TENM4: variants seen among roughly 807,000 people sequenced by gnomAD.
TENM4 encodes the protein teneurin transmembrane protein 4, also known as teneurin-4.
Under a neutral mutation model 243.3 loss-of-function variants are expected in TENM4, and 82 were observed. The ratio of observed to expected loss-of-function variants is 0.34; its 90% CI spans 0.28 to 0.40. The LOEUF (loss-of-function observed/expected upper bound fraction) is 0.40. Ranked by LOEUF, TENM4 falls within the 10% of genes least tolerant of loss-of-function variation. TENM4 has a pLI of 1.00. For missense variants in TENM4, 3,138 were observed against 3,673.3 expected (o/e 0.85, Z 3.77); for synonymous variants, 1,412 against 1,456.3 (o/e 0.97, Z 0.69).
At chr11:78,935,380 C>T (rs1236218274) in intron 6 of TENM4, among the ~76,000 whole-genome samples, 2 of 152,158 alleles carry the variant, frequency 1.3e-5, no homozygotes, top group African/African-American at 2.4e-5. Flanking sequence ...GCGCTAAACA[C>T]CTATTAAGTT....
At chr11:79,411,133 G>A (rs565286911) in intron 1 of TENM4, among the ~76,000 whole-genome samples, 155 of 152,308 alleles carry the variant, frequency 1.0e-3, no homozygotes, top group African/African-American at 3.6e-3. Flanking sequence ...GAGAGGGTAA[G>A]TTTAAAGCTT....
chr11:78,670,337 T>C lies in TENM4; in HGVS notation c.6008A>G (p.Tyr2003Cys), dbSNP rs1180275995. ...TEDGHLLHTF[Y>C]LGTGRRVIYK... The stretch of plus-strand genomic sequence containing the variant: ...TATCACCCTGCGGCCAGTGCCCAGG[T>C]AGAAGGTGTGAAGGAGGTGCCCATC... Residue 2003 changes from tyrosine (Y) to cysteine (C), a missense_variant, in exon 32 of 34, where the codon TAC becomes TGC. By Grantham distance (194) the Tyr-to-Cys change is radical. Coordinates refer to ENST00000278550, the MANE Select transcript of TENM4 (RefSeq NM_001098816.3). The C allele has an allele frequency of 6.2e-7, 1 of 1,613,622 alleles. No homozygotes were observed. The highest frequency in any genetic ancestry group is 8.5e-7 in the Non-Finnish European group (1 of 1,179,814).
At position 78,743,136 on chromosome 11, in the gene TENM4, AATACTT is replaced by A. The variant is rs551446859; in HGVS notation, c.2757-4572_2757-4567del. Among the ~76,000 whole-genome samples the A allele has an allele frequency of 3.1e-4, 47 of 152,314 alleles. No homozygotes were observed. In the South Asian group the frequency reaches 7.1e-3, roughly 23 times the overall value. On this transcript the variant is annotated intron_variant, in intron 19 of 33. Transcript: ENST00000278550. ...TTCAGAATCTTAATGGAGCTCATGC[AATACTT>A]ATACTTATCACTAAATTGTTCCCTC...
chr11:79,207,303 A>G (rs1863867222), intron 3 of TENM4, among the ~76,000 whole-genome samples: 1 of 152,248 alleles, frequency 6.6e-6, no homozygotes. Context: ...GTTGCCAAGA[A>G]TAATAATATC....
chr11:78,701,193 G>A (rs1484807240), intron 28 of TENM4, among the ~76,000 whole-genome samples: 1 of 151,964 alleles, frequency 6.6e-6, no homozygotes, highest in East Asian at 1.9e-4. Context: ...CATCAGGTAA[G>A]TACTTTTCAT....
chr11:78,658,526 C>T lies in TENM4; in HGVS notation c.7842G>A (p.Val2614=), dbSNP rs1857955043. Residue 2614 remains valine, a synonymous_variant, in exon 34 of 34, where the codon GTG becomes GTA. Coordinates refer to ENST00000278550, the MANE Select transcript of TENM4 (RefSeq NM_001098816.3). ...CTGGTTTCACAAAGTAATGGGTATC[C>T]ACCCCATCAATGGTGAAGTGCAGGT... ...LENLHFTIDG[V]DTHYFVKPGP... 5 of 1,613,882 alleles carry T rather than the reference C, an allele frequency of 3.1e-6. No individual in the cohort carries two copies. In the African/African-American group the frequency reaches 4.0e-5, roughly 13 times the overall value.
intron 9 of TENM4, among the ~76,000 whole-genome samples, chr11:78,879,461 C>A (rs1447668441): frequency 2.2e-4 from 30 of 136,356 alleles, no homozygotes; most frequent in African/African-American, 4.3e-4. Flanking sequence ...CTCTGCCCGG[C>A]CGCCACACCG....
At chr11:79,062,055 G>A (rs1591251695) in intron 6 of TENM4, among the ~76,000 whole-genome samples, 1 of 150,684 alleles carries the variant, frequency 6.6e-6, no homozygotes, top group South Asian at 2.1e-4. Flanking sequence ...TCTGCCTCTG[G>A]GGTTCCAGTG....
chr11:79,144,082 A>G (rs1862347195), intron 4 of TENM4, among the ~76,000 whole-genome samples: 1 of 152,040 alleles, frequency 6.6e-6, no homozygotes, highest in Non-Finnish European at 1.5e-5. Flanking sequence ...AGAATATATA[A>G]GGACCTAAGG....
chr11:79,205,808 A>G (rs1863840524), intron 3 of TENM4, among the ~76,000 whole-genome samples: 1 of 152,216 alleles, frequency 6.6e-6, no homozygotes, highest in African/African-American at 2.4e-5. Context: ...TTTTCACTGT[A>G]TTCTTTATTC....
chr11:79,299,318 T>C (rs1856513211), intron 1 of TENM4, among the ~76,000 whole-genome samples: 1 of 151,970 alleles, frequency 6.6e-6, no homozygotes, highest in Non-Finnish European at 1.5e-5. Context: ...GTCACTAGGG[T>C]CACACAGCTA....
chr11:78,754,041 T>A (rs1172998472), intron 19 of TENM4, among the ~76,000 whole-genome samples: 2 of 152,198 alleles, frequency 1.3e-5, no homozygotes. Flanking sequence ...GTTCTTCCAT[T>A]TCTTTATTCT....
intron 16 of TENM4, among the ~76,000 whole-genome samples, chr11:78,782,538 G>A (rs934075728): frequency 3.9e-5 from 6 of 152,052 alleles, no homozygotes; most frequent in African/African-American, 1.4e-4. Flanking sequence ...CAGAGGTTGC[G>A]GTCAGCCGAG....
intron 2 of TENM4, among the ~76,000 whole-genome samples, chr11:79,277,028 G>A (rs1461570602): frequency 2.0e-5 from 3 of 152,122 alleles, no homozygotes; most frequent in Non-Finnish European, 4.4e-5. Context: ...TCCACTGACA[G>A]CATTATTCTG....
chr11:79,263,753 G>A (rs1306710572), intron 2 of TENM4, among the ~76,000 whole-genome samples: 2 of 152,084 alleles, frequency 1.3e-5, no homozygotes, highest in East Asian at 3.9e-4. Context: ...TAGTAACCCA[G>A]GACCAGCACC....
intron 4 of TENM4, among the ~76,000 whole-genome samples, chr11:79,089,596 T>G (rs997104302): frequency 1.3e-5 from 2 of 152,062 alleles, no homozygotes; most frequent in Admixed American, 6.6e-5. Context: ...AGAAGCAGGT[T>G]TCATATCCTC....
chr11:78,958,297 G>T (rs533106270), intron 6 of TENM4, among the ~76,000 whole-genome samples: 19 of 152,248 alleles, frequency 1.2e-4, no homozygotes, highest in Admixed American at 7.8e-4. Context: ...AGTTTTTAAA[G>T]CCCCTTTGCT....
At chr11:79,293,010 G>A (rs1856382898) in intron 2 of TENM4, among the ~76,000 whole-genome samples, 1 of 152,154 alleles carries the variant, frequency 6.6e-6, no homozygotes, top group Non-Finnish European at 1.5e-5. Flanking sequence ...ACAGTCCAAT[G>A]GGAAAGGACC....
rs149429234 is a variant in TENM4, at chr11:79,370,621, C to G, written c.-321+69888G>C. On this transcript the variant is annotated intron_variant, in intron 1 of 33. Transcript: ENST00000278550. The stretch of plus-strand genomic sequence containing the variant: ...CTGCAATTCCTAAAGCGTGGGGCTT[C>G]TGTTGGGAGGAACCTGAGCCTCATG... Among the ~76,000 whole-genome samples, 456 of 152,118 alleles carry G rather than the reference C, an allele frequency of 3.0e-3. 2 individuals carry two copies. The highest frequency in any genetic ancestry group is 0.01 in the African/African-American group (429 of 41,514).
Sources: gnomAD v4.1 joint callset for allele counts (sites outside exome capture counted in the v4.1 genomes callset) on GRCh38, gnomAD v4.1.1 for gene constraint, MANE v1.5 for transcripts, NCBI Gene and HGNC (gene_info 2026-07-23, HGNC 2026-07-21) for gene names.